SORCS1: variants seen among roughly 807,000 people sequenced by gnomAD.
SORCS1 encodes VPS10 domain-containing receptor SorCS1.
SORCS1 carries 60 observed loss-of-function variants against 146.1 expected under a neutral mutation model. That is an observed-to-expected ratio of 0.41 (90% CI 0.33 to 0.51). The LOEUF is 0.51. Among genes scored for constraint, SORCS1 ranks in the 20% least tolerant of loss-of-function variants. SORCS1 has a pLI of 0.21. For missense variants in SORCS1, 1,352 were observed against 1,487.6 expected, an observed-to-expected ratio of 0.91 and a Z score of 1.50; for synonymous variants, 637 against 584.0, an observed-to-expected ratio of 1.09 and a Z score of -1.31.
chr10:107,042,610 TA>T (rs1959177188), intron 1 of SORCS1, among the ~76,000 whole-genome samples: 1 of 108,472 alleles, frequency 9.2e-6, no homozygotes, highest in Admixed American at 8.5e-5. Flanking sequence ...GGAAGTGAAC[TA>T]TTTTTTTTTT....
chr10:106,947,995 T>C (rs903531590), intron 2 of SORCS1, among the ~76,000 whole-genome samples: 3 of 152,214 alleles, frequency 2.0e-5, no homozygotes, highest in Non-Finnish European at 4.4e-5. Flanking sequence ...TACTGTACAA[T>C]ATGCATACTC....
intron 1 of SORCS1, among the ~76,000 whole-genome samples, chr10:107,084,660 A>T (rs1183148624): frequency 2.6e-5 from 4 of 152,134 alleles, no homozygotes; most frequent in African/African-American, 9.7e-5. Context: ...TACAAATGCA[A>T]GCTAATCAAA....
At chr10:106,673,900 A>AAAT (rs1403064759) in intron 14 of SORCS1, among the ~76,000 whole-genome samples, 2 of 152,202 alleles carry the variant, frequency 1.3e-5, no homozygotes, top group African/African-American at 4.8e-5. Flanking sequence ...TCTGTTTTGA[A>AAAT]AATATAAAAA....
chr10:107,010,613 A>C (rs1242366527), intron 1 of SORCS1, among the ~76,000 whole-genome samples: 1 of 152,206 alleles, frequency 6.6e-6, no homozygotes, highest in East Asian at 1.9e-4. Context: ...TCCACAAAGC[A>C]CAAAACTTGG....
chr10:106,905,666 T>G (rs1951879940), intron 2 of SORCS1, among the ~76,000 whole-genome samples: 2 of 152,182 alleles, frequency 1.3e-5, no homozygotes, highest in South Asian at 4.1e-4. Context: ...GTTAGGGCTG[T>G]TTTTCCAATA....
intron 22 of SORCS1, among the ~76,000 whole-genome samples, chr10:106,609,086 T>C (rs1356712272): frequency 6.6e-6 from 1 of 152,172 alleles, no homozygotes; most frequent in Non-Finnish European, 1.5e-5. Flanking sequence ...ATGGTGGCTG[T>C]AGGAAGATTA....
intron 21 of SORCS1, among the ~76,000 whole-genome samples, chr10:106,616,019 G>A (rs1042452219): frequency 1.3e-5 from 2 of 152,164 alleles, no homozygotes; most frequent in East Asian, 3.9e-4. Context: ...CAAATGCTTA[G>A]AACAGATGCC....
intron 1 of SORCS1, among the ~76,000 whole-genome samples, chr10:107,111,346 A>G (rs935977768): frequency 1.3e-5 from 2 of 152,216 alleles, no homozygotes; most frequent in African/African-American, 2.4e-5. Flanking sequence ...GAACAAAATA[A>G]AAAGTTTAAT....
Position 106,620,443 on chromosome 10 carries a change from G to T in SORCS1, c.2781C>A (p.Tyr927Ter). The T allele has an allele frequency of 6.2e-7, 1 of 1,613,194 alleles. No homozygotes were observed. Among genetic ancestry groups the T allele is most frequent in the Non-Finnish European group, 8.5e-7 (1 of 1,179,368 alleles). Reference sequence around the variant, plus strand: ...GTGAACCCACCTCCGTGTTGTTTCCGTACCACCACACGTAAGTGAGGGTGC... The same window carrying T: ...GTGAACCCACCTCCGTGTTGTTTCCTTACCACCACACGTAAGTGAGGGTGC... ...QVGTLTYVWW[Y>*]GNNTEPLITL... Residue 927 changes from tyrosine to a stop codon, truncating the protein, a stop_gained, in exon 20 of 26, where the codon TAC becomes TAA. Coordinates refer to ENST00000263054, the MANE Select transcript of SORCS1 (RefSeq NM_052918.5). LOFTEE classifies it high-confidence loss of function.
chr10:106,879,984 A>T (rs554749757), intron 2 of SORCS1, among the ~76,000 whole-genome samples: 1 of 152,342 alleles, frequency 6.6e-6, no homozygotes, highest in East Asian at 1.9e-4. Context: ...CACTTTTAAG[A>T]TGCTAAATTT....
At chr10:107,022,316 AG>A (rs1181418243) in intron 1 of SORCS1, among the ~76,000 whole-genome samples, 4 of 152,346 alleles carry the variant, frequency 2.6e-5, no homozygotes, top group East Asian at 3.9e-4. Context: ...ACTGGTCCGG[AG>A]TCCAGACCAA....
At chr10:106,612,929 C>T (rs1847106778) in intron 21 of SORCS1, among the ~76,000 whole-genome samples, 1 of 152,074 alleles carries the variant, frequency 6.6e-6, no homozygotes, top group Non-Finnish European at 1.5e-5. Context: ...CCCCACTGTC[C>T]ATGCACAAAA....
At chr10:106,619,091 C>A (rs1847568636) in intron 20 of SORCS1, among the ~76,000 whole-genome samples, 1 of 151,980 alleles carries the variant, frequency 6.6e-6, no homozygotes, top group Non-Finnish European at 1.5e-5. Context: ...CATGAGAAGC[C>A]TTTTCAATGG....
chr10:106,705,581 C>A lies in SORCS1; in HGVS notation c.1233+964G>T, dbSNP rs150358875. Among the ~76,000 whole-genome samples, 256 of 152,304 alleles carry A rather than the reference C, an allele frequency of 1.7e-3. 2 individuals carry two copies. The highest frequency in any genetic ancestry group is 5.9e-3 in the African/African-American group (246 of 41,566). ...TGTTCTTTGTGCAACCCAAAGGCTT[C>A]AAAGTTGAGCTATAACTCTCTTTAA... is the stretch of plus-strand genomic sequence containing the variant. On this transcript the variant is annotated intron_variant, in intron 8 of 25. Transcript: ENST00000263054.
intron 18 of SORCS1, among the ~76,000 whole-genome samples, chr10:106,637,135 G>C (rs1848774383): frequency 1.3e-5 from 2 of 152,170 alleles, no homozygotes; most frequent in South Asian, 4.1e-4. Context: ...AACTGTGTTG[G>C]ACCTTCTTGT....
chr10:106,614,586 T>A (rs1416877800), intron 21 of SORCS1, among the ~76,000 whole-genome samples: 1 of 147,434 alleles, frequency 6.8e-6, no homozygotes, highest in South Asian at 2.2e-4. Context: ...AAGTCCTCAC[T>A]TCTTGCTATG....
chr10:107,156,572 C>G (rs1437211279), intron 1 of SORCS1, among the ~76,000 whole-genome samples: 1 of 152,190 alleles, frequency 6.6e-6, no homozygotes, highest in African/African-American at 2.4e-5. Context: ...TTCCTTTGCT[C>G]TCTTCTTCCA....
chr10:106,821,401 C>A (rs1948015846), intron 3 of SORCS1, among the ~76,000 whole-genome samples: 1 of 152,126 alleles, frequency 6.6e-6, no homozygotes, highest in Non-Finnish European at 1.5e-5. Flanking sequence ...TAGCTAAATA[C>A]CTGTATCTTT....
At chr10:106,765,290 G>A (rs933671509) in intron 4 of SORCS1, among the ~76,000 whole-genome samples, 1 of 151,728 alleles carries the variant, frequency 6.6e-6, no homozygotes, top group Non-Finnish European at 1.5e-5. Flanking sequence ...CAGCCTTAGG[G>A]CCTAACCCTC....
Sources: allele counts gnomAD v4.1 joint callset (sites outside exome capture counted in the v4.1 genomes callset), GRCh38; gene constraint gnomAD v4.1.1; transcripts MANE v1.5; gene names NCBI Gene and HGNC (gene_info 2026-07-23, HGNC 2026-07-21).